Variants in HSF2 observed in about 807,000 individuals in gnomAD.
The protein encoded by HSF2 is heat shock transcription factor 2.
In HSF2, 21 loss-of-function variants were observed where a neutral mutation model predicts 65.0. The observed-to-expected ratio is 0.32, with a 90% confidence interval of 0.23 to 0.47. The LOEUF (loss-of-function observed/expected upper bound fraction) is 0.47. HSF2 is among the 20% of genes least tolerant of loss of function. The pLI is 1.00. For synonymous variants in HSF2, 225 were observed against 219.1 expected, an observed-to-expected ratio of 1.03 and a Z score of -0.24; for missense variants, 499 against 628.1, an observed-to-expected ratio of 0.79 and a Z score of 2.20.
intron 10 of HSF2, among the ~76,000 whole-genome samples, chr6:122,424,151 T>C (rs1388963973): frequency 1.3e-5 from 2 of 152,044 alleles, no homozygotes; most frequent in Non-Finnish European, 2.9e-5. Flanking sequence ...TATTTTGAGT[T>C]ACAAGGTTCC....
intron 4 of HSF2, among the ~76,000 whole-genome samples, chr6:122,415,329 A>G (rs559956012): frequency 2.0e-5 from 3 of 152,286 alleles, no homozygotes; most frequent in East Asian, 1.9e-4. Context: ...TTTGATTTCA[A>G]CACTTACCAA....
chr6:122,413,187 T>A (rs1333447319), intron 3 of HSF2, among the ~76,000 whole-genome samples: 1 of 152,100 alleles, frequency 6.6e-6, no homozygotes, highest in African/African-American at 2.4e-5. Flanking sequence ...ATGAACCTTT[T>A]ACTGCATAAA....
chr6:122,409,684 C>G (rs2114428120), intron 1 of HSF2, among the ~76,000 whole-genome samples: 1 of 152,046 alleles, frequency 6.6e-6, no homozygotes, highest in Non-Finnish European at 1.5e-5. Context: ...GTCTGGGTCT[C>G]TTCTAAATTT....
intron 4 of HSF2, among the ~76,000 whole-genome samples, chr6:122,415,206 C>T (rs914154810): frequency 6.6e-6 from 1 of 152,138 alleles, no homozygotes; most frequent in Non-Finnish European, 1.5e-5. Context: ...TCATATTTGG[C>T]AAGTTATTAG....
intron 11 of HSF2, among the ~76,000 whole-genome samples, chr6:122,429,056 G>A (rs1774401759): frequency 6.6e-6 from 1 of 152,108 alleles, no homozygotes. Context: ...GTAAAAGAAT[G>A]TGTGGTTGTG....
At chr6:122,425,444 A>G (rs1051362609) in intron 10 of HSF2, among the ~76,000 whole-genome samples, 1 of 152,040 alleles carries the variant, frequency 6.6e-6, no homozygotes, top group African/African-American at 2.4e-5. Context: ...GTTATTTACT[A>G]GCTATGTTAC....
intron 10 of HSF2, among the ~76,000 whole-genome samples, chr6:122,424,577 A>C (rs1159939233): frequency 6.6e-6 from 1 of 152,020 alleles, no homozygotes; most frequent in Non-Finnish European, 1.5e-5. Flanking sequence ...TGCCCCAAGG[A>C]CTTGTTCTTA....
At chr6:122,416,183 T>G (rs779054570) in intron 4 of HSF2, 38 bp from the exon 5 acceptor site, 1 of 1,317,752 alleles carries the variant, frequency 7.6e-7, no homozygotes, top group South Asian at 1.2e-5. Flanking sequence ...TTTGATTGAT[T>G]TTTTTTTTGT....
intron 10 of HSF2, among the ~76,000 whole-genome samples, chr6:122,426,263 G>C (rs924775449): frequency 6.6e-6 from 1 of 152,114 alleles, no homozygotes; most frequent in Non-Finnish European, 1.5e-5. Flanking sequence ...GCTTCTCTCT[G>C]AAGAGTTTAG....
chr6:122,405,358 G>C (rs1180985129), intron 1 of HSF2, among the ~76,000 whole-genome samples: 1 of 152,032 alleles, frequency 6.6e-6, no homozygotes. Context: ...CTGTGTGTCG[G>C]TTAAGATGCA....
chr6:122,399,665 T>G lies in HSF2; in HGVS notation c.-73T>G, dbSNP rs1017213757. 1.6e-6 allele frequency: 2 copies of G among 1,271,658 alleles called. No homozygotes were observed. The highest frequency in any genetic ancestry group is 2.5e-5 in the South Asian group (2 of 81,188). The allele number at this position is 1,271,658 out of a possible 1,614,324, so 78.8% of individuals were successfully genotyped here. ...TGCGTTGTGGGCGTTCTCGGGGAGC[T>G]GCTGCCGTAGCTGCCGCCGCCGCTA... is the stretch of plus-strand genomic sequence containing the variant. On this transcript the variant is annotated 5_prime_UTR_variant, in exon 1 of 13. Transcript: ENST00000368455.
chr6:122,414,684 T>C (rs1774082180), intron 4 of HSF2, among the ~76,000 whole-genome samples: 1 of 152,172 alleles, frequency 6.6e-6, no homozygotes, highest in Non-Finnish European at 1.5e-5. Flanking sequence ...TGGAGTGCAG[T>C]GACTTGATCT....
Position 122,412,748 on chromosome 6 carries a change from A to G in HSF2, c.314A>G (p.Glu105Gly). Residue 105 changes from glutamate to glycine, a missense_variant, in exon 3 of 13, where the codon GAG (glutamate) becomes GGG (glycine). This residue lies in a region of HSF2 where 150 missense variants were observed against 234.6 expected (regional missense o/e 0.64). Transcript: ENST00000368455. Reference protein sequence around the residue: ...YFKQGQDDLLENIKRKVSSSK... With the variant: ...YFKQGQDDLLGNIKRKVSSSK... Reference sequence around the variant, plus strand: ...AAACAAGGACAGGATGACTTGTTGGAGAACATTAAAAGGAAGGTGAGCTAT... The same window carrying G: ...AAACAAGGACAGGATGACTTGTTGGGGAACATTAAAAGGAAGGTGAGCTAT... The G allele has an allele frequency of 1.2e-6, 2 of 1,612,984 alleles. No individual in the cohort carries two copies. The highest frequency in any genetic ancestry group is 1.7e-6 in the Non-Finnish European group (2 of 1,179,134).
At chr6:122,399,895 G>T in intron 1 of HSF2, 65 bp downstream of exon 1, 2 of 1,255,158 alleles carry the variant, frequency 1.6e-6, no homozygotes, top group Non-Finnish European at 2.3e-6. Context: ...GCTCTCCTGC[G>T]GGGTGGTCTC....
intron 7 of HSF2, among the ~76,000 whole-genome samples, chr6:122,421,374 C>A (rs917721637): frequency 6.6e-6 from 1 of 151,962 alleles, no homozygotes; most frequent in Non-Finnish European, 1.5e-5. Flanking sequence ...CATCTGATTT[C>A]TTTTCCCTCT....
chr6:122,413,486 T>C (rs1774046984), intron 3 of HSF2, 39 bp from the exon 4 acceptor site: 4 of 1,461,616 alleles, frequency 2.7e-6, no homozygotes, highest in Middle Eastern at 2.2e-4. Flanking sequence ...TCATGGGTGT[T>C]TACTGTTTCT....
In HSF2 at chr6:122,422,771, A is replaced by G. The variant is rs1399877397; in HGVS notation, c.884A>G (p.Tyr295Cys). Residue 295 changes from tyrosine (Y) to cysteine (C), a missense_variant, in exon 9 of 13, where the codon TAT (tyrosine) becomes TGT (cysteine). This residue lies in a region of HSF2 where 349 missense variants were observed against 393.5 expected (regional missense o/e 0.89). Coordinates refer to ENST00000368455, the MANE Select transcript of HSF2 (RefSeq NM_004506.4). ...GTTGAAGATGACAATGAAGATGAGT[A>G]TGCACCTGTCATTCAGAGTGGAGAG... Reference protein sequence around the residue: ...VIVEDDNEDEYAPVIQSGEQN... With the variant: ...VIVEDDNEDECAPVIQSGEQN... 2.5e-6 allele frequency: 4 copies of G among 1,613,178 alleles called. No individual in the cohort carries two copies. The highest frequency in any genetic ancestry group is 3.4e-6 in the Non-Finnish European group (4 of 1,179,382).
At chr6:122,408,005 T>C (rs1312834837) in intron 1 of HSF2, among the ~76,000 whole-genome samples, 1 of 151,968 alleles carries the variant, frequency 6.6e-6, no homozygotes, top group Non-Finnish European at 1.5e-5. Flanking sequence ...TGGTCTCTCT[T>C]ATCTTATAAG....
chr6:122,417,867 T>C (rs1006017196), intron 5 of HSF2, among the ~76,000 whole-genome samples: 2 of 152,194 alleles, frequency 1.3e-5, no homozygotes, highest in African/African-American at 4.8e-5. Flanking sequence ...AGCTTACATA[T>C]TGTCTTTTCA....
Sources: gnomAD v4.1 joint callset for allele counts (sites outside exome capture counted in the v4.1 genomes callset) on GRCh38, gnomAD v4.1.1 for gene constraint, gnomAD v4.1.1 regional missense constraint, MANE v1.5 for transcripts, NCBI Gene and HGNC (gene_info 2026-07-23, HGNC 2026-07-21) for gene names.